ITGA1: variants seen among roughly 807,000 people sequenced by gnomAD.
ITGA1 encodes the protein integrin subunit alpha 1.
A neutral mutation model predicts 145.9 loss-of-function variants in ITGA1; 85 were observed. The observed-to-expected ratio is 0.58, with a 90% CI of 0.49 to 0.70. The LOEUF is 0.70. Among genes scored for constraint, ITGA1 ranks in the 30% least tolerant of loss-of-function variants. ITGA1 has a pLI of 0.00. For missense variants in ITGA1, 1,351 were observed against 1,418.7 expected (o/e 0.95, Z 0.77); for synonymous variants, 520 against 495.3 (o/e 1.05, Z -0.66).
chr5:52,922,913 A>G, intron 18 of ITGA1, 26 bp downstream of exon 18: 5 of 1,313,646 alleles, frequency 3.8e-6, no homozygotes, highest in Non-Finnish European at 5.5e-6. Flanking sequence ...TTAAAATACA[A>G]AATACCAACT....
intron 8 of ITGA1, among the ~76,000 whole-genome samples, chr5:52,891,269 T>G (rs903063706): frequency 6.6e-6 from 1 of 151,268 alleles, no homozygotes; most frequent in Non-Finnish European, 1.5e-5. Flanking sequence ...TTTCTTTTTT[T>G]TTTTTCATTT....
intron 6 of ITGA1, among the ~76,000 whole-genome samples, chr5:52,867,453 T>C (rs1389978765): frequency 6.6e-6 from 1 of 152,166 alleles, no homozygotes; most frequent in East Asian, 1.9e-4. Context: ...TTATTTGCAA[T>C]TGACCTTCTC....
At chr5:52,798,179 A>G (rs1748382336) in intron 1 of ITGA1, among the ~76,000 whole-genome samples, 2 of 152,192 alleles carry the variant, frequency 1.3e-5, no homozygotes, top group Non-Finnish European at 2.9e-5. Flanking sequence ...TTCTTTGCTT[A>G]GTGAAAAGTT....
rs763649629 is a variant in ITGA1 at position 52,935,957 on chromosome 5, C to CTTT, written c.2965-1410_2965-1408dup. ...ATGGTAATTACAGAACACAGGATTT[C>CTTT]TTTTTTTTTTTTTTTTTTTTTTTTT... is the stretch of plus-strand genomic sequence containing the variant. On this transcript the variant is annotated intron_variant, in intron 23 of 28. Transcript: ENST00000282588. Among the ~76,000 whole-genome samples, 13 of 9,550 alleles carry CTTT rather than the reference C, an allele frequency of 1.4e-3. 6 individuals are homozygous for CTTT. The highest frequency in any genetic ancestry group is 2.4e-3 in the Non-Finnish European group (13 of 5,494). 6.3% of individuals were successfully genotyped at this position (9,550 alleles called of 152,430 possible).
chr5:52,941,968 G>A (rs1019156827), intron 26 of ITGA1, among the ~76,000 whole-genome samples: 4 of 152,040 alleles, frequency 2.6e-5, no homozygotes, highest in African/African-American at 9.7e-5. Flanking sequence ...GGAAAGTTAG[G>A]GGTCCAGTTT....
intron 1 of ITGA1, among the ~76,000 whole-genome samples, chr5:52,842,860 T>A (rs1044302892): frequency 4.6e-5 from 7 of 151,882 alleles, no homozygotes; most frequent in African/African-American, 7.3e-5. Flanking sequence ...TAATTTTTTT[T>A]AATGTACTTT....
rs563347333 is a variant in ITGA1, at chr5:52,891,531, T to C, written c.925-2144T>C. On this transcript the variant is annotated intron_variant, in intron 8 of 28. Coordinates refer to ENST00000282588, the MANE Select transcript of ITGA1 (RefSeq NM_181501.2). ...TTTTGCTTGTGTCCAGTTTGAGTTA[T>C]TGTTATAAATGTATCATGAACACTA... 4.8e-5 allele frequency among the ~76,000 whole-genome samples: 7 copies of C among 146,858 alleles called. No homozygotes were observed. The East Asian group carries it at 6.0e-4, about 13-fold the overall frequency.
intron 19 of ITGA1, among the ~76,000 whole-genome samples, chr5:52,927,250 G>T (rs1475522099): frequency 6.6e-6 from 1 of 152,186 alleles, no homozygotes; most frequent in African/African-American, 2.4e-5. Context: ...ATTCACTGAA[G>T]ACTGCTCTGC....
Position 52,956,086 on chromosome 5 carries a change from T to C in ITGA1, c.*3635T>C, listed in dbSNP as rs1462333839. On this transcript the variant is annotated 3_prime_UTR_variant, in exon 29 of 29. Transcript: ENST00000282588. ...AAAGAAAAAAGTGCCATTGTTGTGA[T>C]CAATGGAGTAAAGCTGGGGTATAGT... 2.0e-5 allele frequency: 3 copies of C among 152,282 alleles called. No individual in the cohort carries two copies. The highest frequency in any genetic ancestry group is 7.2e-5 in the African/African-American group (3 of 41,552). 9.4% of individuals were successfully genotyped at this position (152,282 alleles called of 1,614,324 possible).
chr5:52,801,647 A>T (rs1230918995), intron 1 of ITGA1: 9 of 1,614,016 alleles, frequency 5.6e-6, no homozygotes, highest in East Asian at 2.2e-5. Flanking sequence ...AGGCATCAGG[A>T]TGTAGCCACA....
intron 11 of ITGA1, chr5:52,903,366 T>G (rs1273240926): frequency 6.6e-6 from 1 of 152,200 alleles, no homozygotes; most frequent in Non-Finnish European, 1.5e-5. Context: ...GCCTGAAAGA[T>G]TCATTTTAAA....
intron 2 of ITGA1, among the ~76,000 whole-genome samples, chr5:52,858,023 CTAAA>C (rs1161905733): frequency 2.0e-5 from 3 of 152,180 alleles, no homozygotes; most frequent in Non-Finnish European, 4.4e-5. Flanking sequence ...AGCTTATATC[CTAAA>C]TATTTATAGA....
At chr5:52,862,461 T>C (rs1328627387) in intron 3 of ITGA1, among the ~76,000 whole-genome samples, 1 of 152,180 alleles carries the variant, frequency 6.6e-6, no homozygotes, top group East Asian at 1.9e-4. Context: ...TAGAAAGTCA[T>C]CAAGGAGCAT....
At chr5:52,814,305 C>T (rs1351627999) in intron 1 of ITGA1, among the ~76,000 whole-genome samples, 1 of 152,108 alleles carries the variant, frequency 6.6e-6, no homozygotes. Context: ...CAACCCCTCA[C>T]CCAGCTAATT....
At chr5:52,949,891 C>G (rs1751192487) in intron 28 of ITGA1, among the ~76,000 whole-genome samples, 1 of 115,976 alleles carries the variant, frequency 8.6e-6, no homozygotes, top group South Asian at 2.8e-4. Context: ...GATCAGACAC[C>G]TCAGGACTAT....
At chr5:52,942,111 C>A (rs1176253988) in intron 26 of ITGA1, among the ~76,000 whole-genome samples, 1 of 152,036 alleles carries the variant, frequency 6.6e-6, no homozygotes, top group Non-Finnish European at 1.5e-5. Context: ...TTTCTGAATT[C>A]TCTATTCTGT....
chr5:52,807,707 A>G (rs1207940530), intron 1 of ITGA1, among the ~76,000 whole-genome samples: 1 of 152,152 alleles, frequency 6.6e-6, no homozygotes. Context: ...ATCTACCTGG[A>G]TCATAGTGGA....
intron 1 of ITGA1, among the ~76,000 whole-genome samples, chr5:52,806,533 C>T (rs571866291): frequency 6.6e-6 from 1 of 151,996 alleles, no homozygotes; most frequent in East Asian, 1.9e-4. Flanking sequence ...AATGGAGATA[C>T]CTTCTTCAGT....
At position 52,909,005 on chromosome 5, in the gene ITGA1, G is replaced by A. The variant is rs1211506624; in HGVS notation, c.1563G>A (p.Glu521=). Residue 521 remains glutamate, a synonymous_variant, in exon 13 of 29, where the codon GAG becomes GAA. Coordinates refer to ENST00000282588, the MANE Select transcript of ITGA1 (RefSeq NM_181501.2). ...CTATGTACATGGGAACAGAGAAGGA[G>A]GAGCAAGGAAAAGTGTATGTGTATG... is the stretch of plus-strand genomic sequence containing the variant. ...GAPMYMGTEK[E]EQGKVYVYAL... 1.9e-6 allele frequency: 3 copies of A among 1,613,874 alleles called. No individual in the cohort carries two copies. Among genetic ancestry groups the A allele is most frequent in the Non-Finnish European group, 2.5e-6 (3 of 1,179,862 alleles).
Sources: gnomAD v4.1 joint callset for allele counts (sites outside exome capture counted in the v4.1 genomes callset) on GRCh38, gnomAD v4.1.1 for gene constraint, MANE v1.5 for transcripts, NCBI Gene and HGNC (gene_info 2026-07-23, HGNC 2026-07-21) for gene names.